The following JAG1 variants were observed in gnomAD, a reference collection of about 807,000 sequenced individuals.
The protein encoded by JAG1 is jagged canonical Notch ligand 1.
In JAG1, 23 loss-of-function variants were observed where a neutral mutation model predicts 148.7. The observed-to-expected ratio is 0.15, with a 90% CI of 0.11 to 0.22. The LOEUF (loss-of-function observed/expected upper bound fraction) is 0.22, where lower values mean the gene tolerates loss of function less well. Among genes scored for constraint, JAG1 ranks in the 10% least tolerant of loss-of-function variants. The probability of loss-of-function intolerance (pLI) is 1.00; values close to 1 mark genes in which losing one functional copy is unlikely to be tolerated. For synonymous variants in JAG1, 572 were observed against 598.3 expected (o/e 0.96, Z 0.64); for missense variants, 1,054 against 1,611.2 (o/e 0.65, Z 5.92).
At chr20:10,654,381 C>A (rs1001534346) in intron 5 of JAG1, among the ~76,000 whole-genome samples, 1 of 152,188 alleles carries the variant, frequency 6.6e-6, no homozygotes, top group African/African-American at 2.4e-5. Flanking sequence ...GATTAAGATT[C>A]TCATGAGAAA....
At position 10,648,960 on chromosome 20, in the gene JAG1, A is replaced by G. The variant is rs114304180; in HGVS notation, c.1395+101T>C. 1,242 of 1,103,284 alleles carry G rather than the reference A, an allele frequency of 1.1e-3. 6 individuals carry two copies. In the African/African-American group the frequency reaches 0.016, roughly 14 times the overall value. The allele number at this position is 1,103,284 out of a possible 1,614,324, so 68.3% of individuals were successfully genotyped here. On this transcript the variant is annotated intron_variant, in intron 11 of 25. Transcript: ENST00000254958. ...TTCCAAGAGACTCTTTTTTCACCCA[A>G]ATTTTTAAATCTCACAGGGACAGAG...
chr20:10,654,510 A>T (rs2122617675), intron 5 of JAG1, among the ~76,000 whole-genome samples: 1 of 152,118 alleles, frequency 6.6e-6, no homozygotes, highest in Admixed American at 6.5e-5. Flanking sequence ...AACAACAAAA[A>T]CCAGTAAATT....
At chr20:10,655,405 T>C (rs2122618766) in intron 5 of JAG1, among the ~76,000 whole-genome samples, 1 of 152,286 alleles carries the variant, frequency 6.6e-6, no homozygotes, top group Admixed American at 6.5e-5. Flanking sequence ...CTTTGAGTAC[T>C]GAGGTCTGGG....
At chr20:10,648,953 T>C (rs762031433) in intron 11 of JAG1, 108 bp downstream of exon 11, 83 of 1,046,950 alleles carry the variant, frequency 7.9e-5, no homozygotes, top group Non-Finnish European at 1.2e-4. Flanking sequence ...GACTCTTTTT[T>C]CACCCAAATT....
intron 3 of JAG1, 55 bp downstream of exon 3, chr20:10,663,908 C>A: frequency 6.8e-7 from 1 of 1,460,792 alleles, no homozygotes; most frequent in South Asian, 1.1e-5. Flanking sequence ...ACTGGTTGGC[C>A]AAGCCCCACA....
intron 2 of JAG1, among the ~76,000 whole-genome samples, chr20:10,668,881 C>T (rs2067475352): frequency 6.6e-6 from 1 of 152,074 alleles, no homozygotes; most frequent in African/African-American, 2.4e-5. Context: ...AAAGTTTCAC[C>T]GTTTTCTAAA....
In JAG1 at chr20:10,648,860, G is replaced by C. The variant is rs1021686626; in HGVS notation, c.1396-138C>G. 52 of 985,640 alleles carry C rather than the reference G, an allele frequency of 5.3e-5. No individual in the cohort carries two copies. The African/African-American group carries it at 7.7e-4, about 15-fold the overall frequency. 61.1% of individuals were successfully genotyped at this position (985,640 alleles called of 1,614,324 possible). A position where few individuals can be genotyped will look rare whatever the true frequency, so the allele number is the denominator to read the frequency against. Reference sequence around the variant, plus strand: ...AGCCAAATGCTAAACCTCTGAAAGTGGTTAGAGGAATTTCTATGTGCATGC... The same window carrying C: ...AGCCAAATGCTAAACCTCTGAAAGTCGTTAGAGGAATTTCTATGTGCATGC... On this transcript the variant is annotated intron_variant, in intron 11 of 25. Transcript: ENST00000254958.
At position 10,640,920 on chromosome 20, in the gene JAG1, A is replaced by C; in HGVS notation, c.3062T>G (p.Ile1021Arg). The C allele has an allele frequency of 6.2e-7, 1 of 1,614,150 alleles. No individual in the cohort carries two copies. The highest frequency in any genetic ancestry group is 1.1e-5 in the South Asian group (1 of 91,076). The change falls in exon 25 of 26, where the codon ATA becomes AGA. Residue 1021 changes from isoleucine to arginine, a missense_variant. Coordinates refer to ENST00000254958, the MANE Select transcript of JAG1 (RefSeq NM_000214.3). ...EIHVAISAED[I>R]RDDGNPIKEI... ...CTTGATCGGGTTCCCATCATCCCGT[A>C]TATCTTCAGCAGACTGGAAAAACAA... is the stretch of plus-strand genomic sequence containing the variant.
chr20:10,646,127 G>T, intron 14 of JAG1, 43 bp from the exon 15 acceptor site: 1 of 1,416,198 alleles, frequency 7.1e-7, no homozygotes, highest in Non-Finnish European at 1.0e-6. Flanking sequence ...AAGGACTTGT[G>T]AAGCCATAGA....
chr20:10,641,271 A>G (rs774319386), intron 23 of JAG1, 27 bp from the exon 24 acceptor site: 5 of 1,612,468 alleles, frequency 3.1e-6, no homozygotes, highest in Non-Finnish European at 4.2e-6. Context: ...AAACCCACAC[A>G]CGTGTAAGAT....
Position 10,647,377 on chromosome 20 carries a change from C to G in JAG1, c.1721-274G>C, listed in dbSNP as rs187485096. On this transcript the variant is annotated intron_variant, in intron 13 of 25. Transcript: ENST00000254958. ...ATCCCCTTCATCCTACCTTTGACAT[C>G]TACCCAATTTGGTAAACACTTGCTA... The G allele has an allele frequency of 7.6e-4, 397 of 523,876 alleles. 3 individuals carry two copies. Among genetic ancestry groups the G allele is most frequent in the Non-Finnish European group, 3.6e-4 (103 of 288,982 alleles). The allele number at this position is 523,876 out of a possible 1,614,324, so 32.5% of individuals were successfully genotyped here. A position where few individuals can be genotyped will look rare whatever the true frequency, so the allele number is the denominator to read the frequency against.
At chr20:10,643,029 CTG>C (rs1372293047) in intron 20 of JAG1, among the ~76,000 whole-genome samples, 1 of 152,238 alleles carries the variant, frequency 6.6e-6, no homozygotes, top group Admixed American at 6.5e-5. Context: ...GCCAAGAAAA[CTG>C]TATTTATAAA....
In JAG1 at chr20:10,673,384, C is replaced by T. The variant is rs1284817574; in HGVS notation, c.81+66G>A. ...TGCCGAGCCTGCTCGCGGGGCTCAACCGCCCAGGGCGCCGCGAGGGGAGGG... is the reference window on the plus strand; with the variant it reads ...TGCCGAGCCTGCTCGCGGGGCTCAATCGCCCAGGGCGCCGCGAGGGGAGGG... On this transcript the variant is annotated intron_variant, in intron 1 of 25. Coordinates refer to ENST00000254958, the MANE Select transcript of JAG1 (RefSeq NM_000214.3). This position sits in a 1 kb window ranked among gnomAD's most constrained non-coding sequence, Gnocchi z 4.7. The T allele has an allele frequency of 3.4e-5, 42 of 1,217,798 alleles. No individual in the cohort carries two copies. Among genetic ancestry groups the T allele is most frequent in the Non-Finnish European group, 4.1e-5 (37 of 900,274 alleles). 75.4% of individuals were successfully genotyped at this position (1,217,798 alleles called of 1,614,324 possible).
chr20:10,647,845 T>G lies in JAG1; in HGVS notation c.1720+115A>C. ...CTACACAGGCAGGATCATTTCACTA[T>G]AGAGGTCCTCCTCACCAATACATTA... On this transcript the variant is annotated intron_variant, in intron 13 of 25. Transcript: ENST00000254958. 2.7e-6 allele frequency: 3 copies of G among 1,131,076 alleles called. No individual in the cohort carries two copies. In the South Asian group the frequency reaches 3.9e-5, roughly 15 times the overall value. 70.1% of individuals were successfully genotyped at this position (1,131,076 alleles called of 1,614,324 possible).
chr20:10,651,483 C>A (rs974078144), intron 8 of JAG1, 98 bp downstream of exon 8: 1 of 778,338 alleles, frequency 1.3e-6, no homozygotes, highest in Non-Finnish European at 2.2e-6. Context: ...CCTCTCTCAC[C>A]GAGACATTCA....
intron 4 of JAG1, among the ~76,000 whole-genome samples, chr20:10,657,427 T>C (rs1568800514): frequency 6.6e-6 from 1 of 151,784 alleles, no homozygotes; most frequent in Non-Finnish European, 1.5e-5. Flanking sequence ...CACTAAAATA[T>C]GTTAATGAAT....
intron 25 of JAG1, 142 bp downstream of exon 25, chr20:10,640,641 G>T: frequency 1.2e-6 from 1 of 830,904 alleles, no homozygotes. Context: ...AGTAAAGTAG[G>T]CTGCCCTCAG....
At position 10,644,966 on chromosome 20, in the gene JAG1, G is replaced by C; in HGVS notation, c.2241C>G (p.Ser747Arg). The C allele has an allele frequency of 6.2e-7, 1 of 1,613,914 alleles. No individual in the cohort carries two copies. The highest frequency in any genetic ancestry group is 1.6e-4 in the Middle Eastern group (1 of 6,062). The change falls in exon 18 of 26, where the codon AGC becomes AGG. Residue 747 changes from serine to arginine, a missense_variant. Ser to Arg is a moderately radical substitution (Grantham distance 110). Coordinates refer to ENST00000254958, the MANE Select transcript of JAG1 (RefSeq NM_000214.3). ...CATTATGGCAGGGGTTGGGCAGGCA[G>C]CTACTGTTTCGGGCTATAAAAGAAG... ...GTTCNIARNS[S>R]CLPNPCHNGG...
At chr20:10,648,832 A>G in intron 11 of JAG1, 110 bp from the exon 12 acceptor site, 1 of 1,109,094 alleles carries the variant, frequency 9.0e-7, no homozygotes, top group Non-Finnish European at 1.4e-6. Flanking sequence ...GGTTCACTGA[A>G]ATAGCCAAAT....
Sources: allele counts gnomAD v4.1 joint callset (sites outside exome capture counted in the v4.1 genomes callset), GRCh38; gene constraint gnomAD v4.1.1; non-coding constraint Gnocchi (gnomAD v3.1); transcripts MANE v1.5; gene names NCBI Gene and HGNC (gene_info 2026-07-23, HGNC 2026-07-21).